The following MGAT4C variants were observed in gnomAD, a reference collection of about 807,000 sequenced individuals.
The protein encoded by MGAT4C is MGAT4 family member C.
A neutral mutation model predicts 40.1 loss-of-function variants in MGAT4C; 19 were observed. The observed-to-expected ratio is 0.47, with a 90% CI of 0.33 to 0.70. The LOEUF (loss-of-function observed/expected upper bound fraction) is 0.70, where lower values mean the gene tolerates loss of function less well. Among genes scored for constraint, MGAT4C ranks in the 30% least tolerant of loss-of-function variants. The pLI is 0.02. For synonymous variants in MGAT4C, 181 were observed against 187.1 expected, an observed-to-expected ratio of 0.97 and a Z score of 0.27; for missense variants, 491 against 563.2, an observed-to-expected ratio of 0.87 and a Z score of 1.30.
chr12:86,002,358 T>C (rs1206005699), intron 2 of MGAT4C: 2 of 152,182 alleles, frequency 1.3e-5, no homozygotes, highest in African/African-American at 4.8e-5. Context: ...TAACATTGCA[T>C]GTATGGGCAA....
At chr12:86,361,885 G>T (rs1332268707) in intron 3 of MGAT4C, among the ~76,000 whole-genome samples, 1 of 152,182 alleles carries the variant, frequency 6.6e-6, no homozygotes, top group Non-Finnish European at 1.5e-5. Flanking sequence ...TACCCTGTTG[G>T]TGGGACTGTA....
At chr12:86,295,248 T>C (rs1953633943) in intron 4 of MGAT4C, among the ~76,000 whole-genome samples, 1 of 152,212 alleles carries the variant, frequency 6.6e-6, no homozygotes, top group South Asian at 2.1e-4. Context: ...CTCTTAAAAT[T>C]CGATTTCCAA....
At chr12:86,508,300 C>T (rs182485205) in intron 2 of MGAT4C, among the ~76,000 whole-genome samples, 3,926 of 151,826 alleles carry the variant, frequency 0.026, 82 homozygotes, top group Non-Finnish European at 0.036. Flanking sequence ...TGAGTGAGAA[C>T]ATGCGGTGTT....
At chr12:86,797,265 AT>A (rs1473762636) in intron 1 of MGAT4C, among the ~76,000 whole-genome samples, 1 of 151,924 alleles carries the variant, frequency 6.6e-6, no homozygotes, top group East Asian at 1.9e-4. Flanking sequence ...TTATAAAAAA[AT>A]AAATAACAAT....
At chr12:86,334,148 A>T (rs1439046737) in intron 3 of MGAT4C, 1 of 152,158 alleles carries the variant, frequency 6.6e-6, no homozygotes, top group East Asian at 1.9e-4. Flanking sequence ...TTAAAATGAC[A>T]AAAATCTTAG....
At chr12:86,688,270 G>A (rs754910012) in intron 2 of MGAT4C, among the ~76,000 whole-genome samples, 1 of 145,170 alleles carries the variant, frequency 6.9e-6, no homozygotes, top group Non-Finnish European at 1.5e-5. Context: ...CCTGAATACA[G>A]CACACCGATG....
chr12:86,241,330 C>T lies in MGAT4C; in HGVS notation c.-57+14909G>A, dbSNP rs1951774477. Among the ~76,000 whole-genome samples, 3 of 152,220 alleles carry T rather than the reference C, an allele frequency of 2.0e-5. No individual in the cohort carries two copies. In the South Asian group the frequency reaches 6.2e-4, roughly 32 times the overall value. On this transcript the variant is annotated intron_variant, in intron 1 of 4. Coordinates refer to ENST00000611864, the MANE Select transcript of MGAT4C (RefSeq NM_001351288.2). The stretch of plus-strand genomic sequence containing the variant: ...TCCATTGGTGATTCTTTTCTCATCC[C>T]ATCTTTACTACTACGGAAGCAAAAC...
chr12:86,405,964 TATACA>T (rs1188529088), intron 3 of MGAT4C, among the ~76,000 whole-genome samples: 2 of 4,890 alleles, frequency 4.1e-4, no homozygotes, highest in Non-Finnish European at 6.9e-4. Flanking sequence ...GTATTTATAT[TATACA>T]TATATATATA....
chr12:86,787,784 A>G (rs1196609928), intron 1 of MGAT4C, among the ~76,000 whole-genome samples: 2 of 151,996 alleles, frequency 1.3e-5, no homozygotes, highest in South Asian at 2.1e-4. Flanking sequence ...ATGTCACTCT[A>G]TTGCCCAGGC....
chr12:86,530,722 T>C (rs1307668895), intron 2 of MGAT4C, among the ~76,000 whole-genome samples: 3 of 151,956 alleles, frequency 2.0e-5, no homozygotes, highest in African/African-American at 7.2e-5. Flanking sequence ...ACATAAACAA[T>C]TTGTTCACTA....
At chr12:86,753,515 T>C (rs1347420293) in intron 1 of MGAT4C, among the ~76,000 whole-genome samples, 1 of 152,098 alleles carries the variant, frequency 6.6e-6, no homozygotes, top group African/African-American at 2.4e-5. Flanking sequence ...CACACCTCTG[T>C]ATTTCTGTGT....
chr12:86,321,302 C>T (rs1190402166), intron 4 of MGAT4C, among the ~76,000 whole-genome samples: 1 of 152,094 alleles, frequency 6.6e-6, no homozygotes, highest in Non-Finnish European at 1.5e-5. Context: ...TTTAACATGT[C>T]TTCTAAAATG....
intron 2 of MGAT4C, among the ~76,000 whole-genome samples, chr12:86,642,062 G>C (rs1963406451): frequency 6.6e-6 from 1 of 151,760 alleles, no homozygotes; most frequent in Non-Finnish European, 1.5e-5. Context: ...AACGAAATAG[G>C]AATGACAAAT....
chr12:86,686,029 A>G (rs1208728175), intron 2 of MGAT4C, among the ~76,000 whole-genome samples: 1 of 90,696 alleles, frequency 1.1e-5, no homozygotes, highest in African/African-American at 3.5e-5. Context: ...TGCCTGGCTA[A>G]TTTTATTTTA....
At chr12:86,177,265 G>T (rs1490141773) in intron 1 of MGAT4C, among the ~76,000 whole-genome samples, 1 of 152,124 alleles carries the variant, frequency 6.6e-6, no homozygotes, top group Non-Finnish European at 1.5e-5. Context: ...TACTCAGTAT[G>T]AAAATAGATA....
intron 2 of MGAT4C, among the ~76,000 whole-genome samples, chr12:86,543,984 A>T (rs1959180827): frequency 6.6e-6 from 1 of 152,104 alleles, no homozygotes; most frequent in African/African-American, 2.4e-5. Context: ...GGCTCAGGCT[A>T]TTCACACGAT....
intron 1 of MGAT4C, among the ~76,000 whole-genome samples, chr12:86,194,100 T>C (rs1010709637): frequency 2.0e-5 from 3 of 152,178 alleles, no homozygotes; most frequent in African/African-American, 7.2e-5. Flanking sequence ...TATTTTCTGA[T>C]GACTCATCTT....
intron 1 of MGAT4C, among the ~76,000 whole-genome samples, chr12:86,078,814 C>A (rs572859549): frequency 6.6e-6 from 1 of 152,308 alleles, no homozygotes; most frequent in Admixed American, 6.5e-5. Context: ...ATGGGTCATT[C>A]TATCCATTAG....
chr12:86,082,303 C>T (rs759382505), intron 1 of MGAT4C, among the ~76,000 whole-genome samples: 6 of 152,164 alleles, frequency 3.9e-5, no homozygotes, highest in Non-Finnish European at 1.5e-5. Context: ...TAAACCATCT[C>T]TAAGCAATTT....
Sources: gnomAD v4.1 joint callset for allele counts (sites outside exome capture counted in the v4.1 genomes callset) on GRCh38, gnomAD v4.1.1 for gene constraint, MANE v1.5 for transcripts, NCBI Gene and HGNC (gene_info 2026-07-23, HGNC 2026-07-21) for gene names.